PTPRN2: variants seen among roughly 807,000 people sequenced by gnomAD.
The protein encoded by PTPRN2 is receptor-type tyrosine-protein phosphatase N2.
Under a neutral mutation model 118.8 loss-of-function variants are expected in PTPRN2, and 74 were observed. The observed-to-expected ratio is 0.62, with a 90% CI of 0.52 to 0.76. The LOEUF (loss-of-function observed/expected upper bound fraction) is 0.76. Among genes scored for constraint, PTPRN2 ranks in the 30% least tolerant of loss-of-function variants. The pLI, the probability that PTPRN2 is intolerant of heterozygous loss-of-function variation, is 0.00. For synonymous variants in PTPRN2, 641 were observed against 608.0 expected (o/e 1.05, Z -0.80); for missense variants, 1,481 against 1,394.4 (o/e 1.06, Z -0.99).
In PTPRN2 at chr7:157,784,032, G is replaced by A. The variant is rs539851907; in HGVS notation, c.1789-101095C>T. ...GGCTGAAACATTTCCCACATGGTTG[G>A]AGTTTAAGTCTCTCAAGGTAGAGAC... On this transcript the variant is annotated intron_variant, in intron 12 of 22. Coordinates refer to ENST00000389418, the MANE Select transcript of PTPRN2 (RefSeq NM_002847.5). This position sits in a 1 kb window ranked among gnomAD's most constrained non-coding sequence, Gnocchi z 4.6. Among the ~76,000 whole-genome samples, 1 of 152,308 alleles carries A rather than the reference G, an allele frequency of 6.6e-6. No individual in the cohort carries two copies. Among genetic ancestry groups the A allele is most frequent in the African/African-American group, 2.4e-5 (1 of 41,562 alleles).
chr7:158,500,083 T>C (rs1320899280), intron 1 of PTPRN2, among the ~76,000 whole-genome samples: 1 of 149,476 alleles, frequency 6.7e-6, no homozygotes, highest in Non-Finnish European at 1.5e-5. Context: ...TTTTAAGTGA[T>C]GAGATAGGAA....
rs550951337 is a variant in PTPRN2, at chr7:157,690,249, C to T, written c.1789-7312G>A. Among the ~76,000 whole-genome samples the T allele has an allele frequency of 3.5e-4, 54 of 152,326 alleles. No homozygotes were observed. The South Asian group carries it at 9.5e-3, about 27-fold the overall frequency. ...CTCCTCCTCACAGGCCCACCCTAGA[C>T]CCACTTGGGGATGATCCCAGGCGCA... On this transcript the variant is annotated intron_variant, in intron 12 of 22. Transcript: ENST00000389418. This position sits in a 1 kb window ranked among gnomAD's most constrained non-coding sequence, Gnocchi z 7.1.
intron 11 of PTPRN2, among the ~76,000 whole-genome samples, chr7:157,989,420 G>GA (rs1167621927): frequency 6.6e-6 from 1 of 151,680 alleles, no homozygotes; most frequent in African/African-American, 2.4e-5. Flanking sequence ...CCACACCTTA[G>GA]AAAAAAGAAA....
intron 11 of PTPRN2, among the ~76,000 whole-genome samples, chr7:158,073,890 A>C (rs1812140776): frequency 6.6e-6 from 1 of 152,206 alleles, no homozygotes; most frequent in South Asian, 2.1e-4. Context: ...GCAAAACCTG[A>C]GGCCTCGTCC....
At chr7:157,811,668 G>A (rs1168429558) in intron 12 of PTPRN2, among the ~76,000 whole-genome samples, 1 of 152,100 alleles carries the variant, frequency 6.6e-6, no homozygotes, top group Non-Finnish European at 1.5e-5. Context: ...AACCTGATGA[G>A]CACTCGGCTT....
At chr7:158,014,464 C>T (rs1480723450) in intron 11 of PTPRN2, among the ~76,000 whole-genome samples, 2 of 151,990 alleles carry the variant, frequency 1.3e-5, no homozygotes, top group African/African-American at 4.8e-5. Flanking sequence ...TCTACCCATC[C>T]ATCAAACAAT....
chr7:157,578,490 T>C (rs1487484804), intron 17 of PTPRN2, among the ~76,000 whole-genome samples: 2 of 152,186 alleles, frequency 1.3e-5, no homozygotes, highest in Admixed American at 1.3e-4. Flanking sequence ...GCCGACACCC[T>C]CACTTGCTGG....
At chr7:158,479,431 T>C (rs1364505933) in intron 2 of PTPRN2, among the ~76,000 whole-genome samples, 1 of 152,176 alleles carries the variant, frequency 6.6e-6, no homozygotes, top group African/African-American at 2.4e-5. Context: ...TTCCGTTGGA[T>C]GAGCTCAGAA....
chr7:158,148,495 C>G (rs1441132891), intron 6 of PTPRN2, among the ~76,000 whole-genome samples: 2 of 132,448 alleles, frequency 1.5e-5, no homozygotes, highest in Admixed American at 7.6e-5. Flanking sequence ...TCTCACGCCA[C>G]GTGTCTTTCC....
intron 12 of PTPRN2, among the ~76,000 whole-genome samples, chr7:157,769,910 G>A (rs1394725838): frequency 6.6e-6 from 1 of 152,214 alleles, no homozygotes; most frequent in Non-Finnish European, 1.5e-5. Flanking sequence ...CCGGCAGATG[G>A]CCTGAAAGCA....
At position 157,596,361 on chromosome 7, in the gene PTPRN2, C is replaced by G. The variant is rs1161548443; in HGVS notation, c.2419-1046G>C. Among the ~76,000 whole-genome samples, 2 of 152,146 alleles carry G rather than the reference C, an allele frequency of 1.3e-5. No individual in the cohort carries two copies. The highest frequency in any genetic ancestry group is 4.8e-5 in the African/African-American group (2 of 41,430). On this transcript the variant is annotated intron_variant, in intron 16 of 22. Coordinates refer to ENST00000389418, the MANE Select transcript of PTPRN2 (RefSeq NM_002847.5). The surrounding 1 kb of genome is among the most constrained non-coding windows in gnomAD (Gnocchi z 4.2). ...TTCTGTTTCCCCACCAGGCAGGGACCAGAAACAAAGAGGGCAGGTGTGGGC... is the reference window on the plus strand; with the variant it reads ...TTCTGTTTCCCCACCAGGCAGGGACGAGAAACAAAGAGGGCAGGTGTGGGC...
intron 2 of PTPRN2, among the ~76,000 whole-genome samples, chr7:158,369,964 G>A (rs1281570011): frequency 6.6e-6 from 1 of 152,210 alleles, no homozygotes; most frequent in Non-Finnish European, 1.5e-5. Context: ...TCAGCGGGCA[G>A]GAGGCCCAGT....
At chr7:158,149,142 G>T (rs199512757) in intron 6 of PTPRN2, among the ~76,000 whole-genome samples, 10 of 47,796 alleles carry the variant, frequency 2.1e-4, no homozygotes, top group South Asian at 1.1e-3. Flanking sequence ...CTCACGCCAC[G>T]TGTCTTTCCC....
Position 158,464,204 on chromosome 7 carries a change from A to G in PTPRN2, c.163+25531T>C, listed in dbSNP as rs76487176. Among the ~76,000 whole-genome samples the G allele has an allele frequency of 2.6e-3, 105 of 39,848 alleles. 3 individuals are homozygous for G. Among genetic ancestry groups the G allele is most frequent in the African/African-American group, 8.1e-3 (83 of 10,224 alleles). 26.1% of individuals were successfully genotyped at this position (39,848 alleles called of 152,430 possible). Reference sequence around the variant, plus strand: ...TAGTAAATAATCCTTCATCATCACCATCATCATCCTTACCATCGCCATCAT... The same window carrying G: ...TAGTAAATAATCCTTCATCATCACCGTCATCATCCTTACCATCGCCATCAT... On this transcript the variant is annotated intron_variant, in intron 2 of 22. Coordinates refer to ENST00000389418, the MANE Select transcript of PTPRN2 (RefSeq NM_002847.5).
At chr7:157,747,812 C>T (rs2150976867) in intron 12 of PTPRN2, among the ~76,000 whole-genome samples, 1 of 128,478 alleles carries the variant, frequency 7.8e-6, no homozygotes, top group African/African-American at 3.2e-5. Context: ...TGAGGTGATT[C>T]TGAGGCCTGC....
At chr7:157,816,378 C>A (rs543491965) in intron 12 of PTPRN2, among the ~76,000 whole-genome samples, 1 of 152,334 alleles carries the variant, frequency 6.6e-6, no homozygotes, top group East Asian at 1.9e-4. Context: ...CACACACTTT[C>A]CTCCCCTCCA....
chr7:158,550,533 C>A (rs1028478672), intron 1 of PTPRN2, among the ~76,000 whole-genome samples: 1 of 152,220 alleles, frequency 6.6e-6, no homozygotes, highest in African/African-American at 2.4e-5. Flanking sequence ...GCGTGGCCAC[C>A]CACGGAGTCT....
chr7:158,256,587 G>A (rs1175906047), intron 3 of PTPRN2, among the ~76,000 whole-genome samples: 4 of 152,090 alleles, frequency 2.6e-5, no homozygotes, highest in African/African-American at 9.7e-5. Flanking sequence ...GGGGCGGGGG[G>A]GAACCTAGGC....
intron 11 of PTPRN2, among the ~76,000 whole-genome samples, chr7:157,980,315 T>G (rs536549097): frequency 1.3e-5 from 2 of 152,240 alleles, no homozygotes; most frequent in Non-Finnish European, 2.9e-5. Flanking sequence ...TCTCTTTTTA[T>G]GTCAACTTAC....
Sources: gnomAD v4.1 joint callset for allele counts (sites outside exome capture counted in the v4.1 genomes callset) on GRCh38, gnomAD v4.1.1 for gene constraint, Gnocchi (gnomAD v3.1) non-coding constraint, MANE v1.5 for transcripts, NCBI Gene and HGNC (gene_info 2026-07-23, HGNC 2026-07-21) for gene names.